The following GGCX variants were observed in gnomAD, a reference collection of about 807,000 sequenced individuals.
The protein encoded by GGCX is vitamin K-dependent gamma-carboxylase.
Under a neutral mutation model 88.5 loss-of-function variants are expected in GGCX, and 63 were observed. That is an observed-to-expected ratio of 0.71 (90% CI 0.58 to 0.88). The LOEUF (loss-of-function observed/expected upper bound fraction) is 0.88, where lower values mean the gene tolerates loss of function less well. GGCX is among the 40% of genes least tolerant of loss of function. The pLI is 0.00. For missense variants in GGCX, 805 were observed against 932.9 expected, an observed-to-expected ratio of 0.86 and a Z score of 1.79; for synonymous variants, 368 against 365.8, an observed-to-expected ratio of 1.01 and a Z score of -0.07.
Position 85,552,963 on chromosome 2 carries a change from G to A in GGCX, c.1263C>T (p.Gly421=), listed in dbSNP as rs373716493. ...VKITYRDGRT[G]ELGYLNPGVF... Reference sequence around the variant, plus strand: ...CCCCAGGGTTAAGGTAGCCCAGTTCGCCAGTGCGGCCATCACGGTAGGTGA... The same window carrying A: ...CCCCAGGGTTAAGGTAGCCCAGTTCACCAGTGCGGCCATCACGGTAGGTGA... Residue 421 remains glycine, a synonymous_variant, in exon 9 of 15, where the codon GGC becomes GGT. Coordinates refer to ENST00000233838, the MANE Select transcript of GGCX (RefSeq NM_000821.7). 8 of 1,614,156 alleles carry A rather than the reference G, an allele frequency of 5.0e-6. No individual in the cohort carries two copies. The highest frequency in any genetic ancestry group is 2.7e-5 in the African/African-American group (2 of 75,060).
chr2:85,554,418 T>C, intron 6 of GGCX, 112 bp from the exon 7 acceptor site: 1 of 890,182 alleles, frequency 1.1e-6, no homozygotes, highest in Non-Finnish European at 1.9e-6. Context: ...ATGCCTAAGG[T>C]ACATAATCCA....
Position 85,551,549 on chromosome 2 carries a change from C to G in GGCX, c.1671G>C (p.Gln557His), listed in dbSNP as rs1354036963. Reference sequence around the variant, plus strand: ...CCACAAGCTCCACAGTCACTTCCCCCTGCAGCAGCTGGATGCTAGTGTTGC... The same window carrying G: ...CCACAAGCTCCACAGTCACTTCCCCGTGCAGCAGCTGGATGCTAGTGTTGC... ...DLGNTSIQLL[Q>H]GEVTVELVAE... The change falls in exon 12 of 15, where the codon CAG becomes CAC. Residue 557 changes from glutamine to histidine, a missense_variant. Coordinates refer to ENST00000233838, the MANE Select transcript of GGCX (RefSeq NM_000821.7). 3.1e-6 allele frequency: 5 copies of G among 1,613,946 alleles called. No individual in the cohort carries two copies. Among genetic ancestry groups the G allele is most frequent in the Non-Finnish European group, 4.2e-6 (5 of 1,179,862 alleles).
rs1692408300 is a variant in GGCX, at chr2:85,560,799, C to T, written c.214+16G>A. On this transcript the variant is annotated intron_variant, in intron 2 of 14. Transcript: ENST00000233838. ...CACTCTCAACCAAATTGCTCCCACCCATAAACTGGACTCACCAAAAAGAAA... is the reference window on the plus strand; with the variant it reads ...CACTCTCAACCAAATTGCTCCCACCTATAAACTGGACTCACCAAAAAGAAA... The T allele has an allele frequency of 6.2e-7, 1 of 1,607,366 alleles. No individual in the cohort carries two copies.
Position 85,550,766 on chromosome 2 carries a change from A to G in GGCX, c.1889-16T>C, listed in dbSNP as rs1444669394. On this transcript the variant is annotated splice_polypyrimidine_tract_variant and intron_variant, in intron 13 of 14. Transcript: ENST00000233838. ...GGCCCTGTTTCTGCCCGGAAGACAGAAAAAAGAGGAATCACTGAGATGGAT... is the reference window on the plus strand; with the variant it reads ...GGCCCTGTTTCTGCCCGGAAGACAGGAAAAAGAGGAATCACTGAGATGGAT... 2 of 1,603,118 alleles carry G rather than the reference A, an allele frequency of 1.2e-6. No individual in the cohort carries two copies. Among genetic ancestry groups the G allele is most frequent in the East Asian group, 2.2e-5 (1 of 44,880 alleles).
chr2:85,550,497 G>A (rs1691887945), intron 14 of GGCX, 58 bp downstream of exon 14: 1 of 1,290,878 alleles, frequency 7.7e-7, no homozygotes, highest in Non-Finnish European at 1.1e-6. Flanking sequence ...CTCCCCAGGG[G>A]AAAGTTACCA....
At chr2:85,561,215 GTCA>G (rs1247467288) in intron 1 of GGCX, among the ~76,000 whole-genome samples, 168 bp downstream of exon 1, 1 of 152,138 alleles carries the variant, frequency 6.6e-6, no homozygotes, top group Non-Finnish European at 1.5e-5. Context: ...GTTCCCGAAT[GTCA>G]TCATCATTCA....
Position 85,559,040 on chromosome 2 carries a change from C to T in GGCX, c.250G>A (p.Gly84Arg). 1 of 1,614,108 alleles carries T rather than the reference C, an allele frequency of 6.2e-7. No individual in the cohort carries two copies. Residue 84 changes from glycine to arginine, a missense_variant, in exon 3 of 15, where the codon GGG becomes AGG. Physicochemically the swap from Gly to Arg is moderately radical, Grantham distance 125 (BLOSUM62 -2). Transcript: ENST00000233838. ...TATTTCCGGTCCAGAGAGCTGAGCC[C>T]CCGCTCCTGGGGAATGTCTAGCACC... ...LMVLDIPQERGLSSLDRKYLD... is the reference protein window; with the variant it reads ...LMVLDIPQERRLSSLDRKYLD...
Position 85,554,288 on chromosome 2 carries a change from C to T in GGCX, c.744G>A (p.Glu248=), listed in dbSNP as rs746559265. Reference sequence around the variant, plus strand: ...AGTGCACGACCAGCAGGCTAGTCAGCTCCTCAGACAACAGCAGTCTGCAAA... The same window carrying T: ...AGTGCACGACCAGCAGGCTAGTCAGTTCCTCAGACAACAGCAGTCTGCAAA... The part of the protein sequence containing the change: ...FSPFKLLLSE[E]LTSLLVVHWG... Residue 248 remains glutamate (E), a synonymous_variant, in exon 7 of 15, where the codon GAG becomes GAA. Coordinates refer to ENST00000233838, the MANE Select transcript of GGCX (RefSeq NM_000821.7). 1 of 1,614,070 alleles carries T rather than the reference C, an allele frequency of 6.2e-7. No homozygotes were observed. The highest frequency in any genetic ancestry group is 1.1e-5 in the South Asian group (1 of 91,080).
In GGCX at chr2:85,561,390, G is replaced by A. The variant is rs1005415647; in HGVS notation, c.39C>T (p.Ser13=). 1.3e-6 allele frequency: 2 copies of A among 1,567,022 alleles called. No individual in the cohort carries two copies. Among genetic ancestry groups the A allele is most frequent in the South Asian group, 1.2e-5 (1 of 85,374 alleles). Residue 13 remains serine (S), a synonymous_variant, in exon 1 of 15, where the codon AGC becomes AGT. Transcript: ENST00000233838. The part of the protein sequence containing the change: ...VSAGSARTSP[S]SDKVQKDKAE... Reference sequence around the variant, plus strand: ...AGGGCGGGGTCCTAAGCCTACCTGAGCTGGGCGAGGTCCGCGCGGACCCGG... The same window carrying A: ...AGGGCGGGGTCCTAAGCCTACCTGAACTGGGCGAGGTCCGCGCGGACCCGG...
At chr2:85,555,981 C>G (rs933219821) in intron 5 of GGCX, among the ~76,000 whole-genome samples, 1 of 152,168 alleles carries the variant, frequency 6.6e-6, no homozygotes, top group Non-Finnish European at 1.5e-5. Flanking sequence ...GGACAAAGCT[C>G]TAGTCTTTCC....
Position 85,548,848 on chromosome 2 carries a change from C to T in GGCX, c.*1086G>A, listed in dbSNP as rs1331564593. 6.6e-6 allele frequency: 1 copy of T among 152,146 alleles called. No homozygotes were observed. Among genetic ancestry groups the T allele is most frequent in the Non-Finnish European group, 1.5e-5 (1 of 68,030 alleles). The allele number at this position is 152,146 out of a possible 1,614,324, so 9.4% of individuals were successfully genotyped here. On this transcript the variant is annotated 3_prime_UTR_variant, in exon 15 of 15. Coordinates refer to ENST00000233838, the MANE Select transcript of GGCX (RefSeq NM_000821.7). ...TAAATTTAGTTAATTCTTACTTTAC[C>T]TCCCCTTCTGCTCACCAAAGGCTAG...
Position 85,549,210 on chromosome 2 carries a change from C to G in GGCX, c.*724G>C, listed in dbSNP as rs1419375548. 6.6e-6 allele frequency: 1 copy of G among 152,294 alleles called. No individual in the cohort carries two copies. The highest frequency in any genetic ancestry group is 6.5e-5 in the Admixed American group (1 of 15,288). 9.4% of individuals were successfully genotyped at this position (152,294 alleles called of 1,614,324 possible). A position where few individuals can be genotyped will look rare whatever the true frequency, so the allele number is the denominator to read the frequency against. ...GTTAAGTTCAAACCATCAGTCCATT[C>G]GTCACTAGCTGTATGTCTTCGGGCA... On this transcript the variant is annotated 3_prime_UTR_variant, in exon 15 of 15. Coordinates refer to ENST00000233838, the MANE Select transcript of GGCX (RefSeq NM_000821.7).
intron 12 of GGCX, among the ~76,000 whole-genome samples, 197 bp from the exon 13 acceptor site, chr2:85,551,269 T>C (rs561189235): frequency 6.6e-6 from 1 of 152,350 alleles, no homozygotes; most frequent in Admixed American, 6.5e-5. Flanking sequence ...ATTACTGCTA[T>C]GGTAAAATAT....
chr2:85,553,661 G>A lies in GGCX; in HGVS notation c.890-164C>T, dbSNP rs562142473. 47 of 672,860 alleles carry A rather than the reference G, an allele frequency of 7.0e-5. 1 individual carries two copies. Among genetic ancestry groups the A allele is most frequent in the East Asian group, 1.7e-4 (6 of 35,894 alleles). 41.7% of individuals were successfully genotyped at this position (672,860 alleles called of 1,614,324 possible). The stretch of plus-strand genomic sequence containing the variant: ...GTCGCCCAGGCTGGAGTGCAGTGGC[G>A]TGATCTCAGCTCACTGCAACCTCTG... On this transcript the variant is annotated intron_variant, in intron 7 of 14. Transcript: ENST00000233838.
chr2:85,545,603 GTCC>G lies in GGCX; in HGVS notation c.*4328_*4330del, dbSNP rs554891563. 184 of 152,244 alleles carry G rather than the reference GTCC, an allele frequency of 1.2e-3. 2 individuals carry two copies. Among genetic ancestry groups the G allele is most frequent in the African/African-American group, 4.1e-3 (171 of 41,526 alleles). The allele number at this position is 152,244 out of a possible 1,614,324, so 9.4% of individuals were successfully genotyped here. On this transcript the variant is annotated 3_prime_UTR_variant, in exon 15 of 15. Coordinates refer to ENST00000233838, the MANE Select transcript of GGCX (RefSeq NM_000821.7). ...TTTTTAAAAGCCTAAGCAAGATTTA[GTCC>G]TCCTAGTCCACTTAAGCCAAAATTC...
At position 85,549,489 on chromosome 2, in the gene GGCX, G is replaced by A. The variant is rs1691825898; in HGVS notation, c.*445C>T. 5.0e-6 allele frequency: 1 copy of A among 199,338 alleles called. No homozygotes were observed. The highest frequency in any genetic ancestry group is 1.0e-5 in the Non-Finnish European group (1 of 96,456). The allele number at this position is 199,338 out of a possible 1,614,324, so 12.3% of individuals were successfully genotyped here. ...CGATTCTCATGCCTCAGCCTCCTGG[G>A]TAGTTGGATTACAGGCACCCACCAC... On this transcript the variant is annotated 3_prime_UTR_variant, in exon 15 of 15. Coordinates refer to ENST00000233838, the MANE Select transcript of GGCX (RefSeq NM_000821.7).
chr2:85,561,197 A>AC (rs1692438197), intron 1 of GGCX, among the ~76,000 whole-genome samples, 189 bp downstream of exon 1: 1 of 151,912 alleles, frequency 6.6e-6, no homozygotes, highest in Non-Finnish European at 1.5e-5. Flanking sequence ...CAGTCCCCTA[A>AC]CCGCAGTGTT....
chr2:85,550,602 C>A lies in GGCX; in HGVS notation c.2037G>T (p.Glu679Asp). 1 of 1,614,160 alleles carries A rather than the reference C, an allele frequency of 6.2e-7. No homozygotes were observed. The highest frequency in any genetic ancestry group is 8.5e-7 in the Non-Finnish European group (1 of 1,179,986). ...TTCGCAACAAGAAGCGGAAGAATCG[C>A]TCATGGAAAGGAGTATTTCGCCGGC... is the stretch of plus-strand genomic sequence containing the variant. ...IERRRNTPFH[E>D]RFFRFLLRKL... The change falls in exon 14 of 15, where the codon GAG becomes GAT. Residue 679 changes from glutamate to aspartate, a missense_variant. By Grantham distance (45) the Glu-to-Asp change is conservative. Transcript: ENST00000233838.
rs564839702 is a variant in GGCX, at chr2:85,551,182, C to T, written c.1741-110G>A. On this transcript the variant is annotated intron_variant, in intron 12 of 14. Coordinates refer to ENST00000233838, the MANE Select transcript of GGCX (RefSeq NM_000821.7). ...TTTCTACTCAATTGTGTTTTGGAAT[C>T]GAAAGTAACGGACCTCTAGAATCCT... 156 of 1,109,052 alleles carry T rather than the reference C, an allele frequency of 1.4e-4. 3 individuals are homozygous for T. The South Asian group carries it at 1.9e-3, about 13-fold the overall frequency. The allele number at this position is 1,109,052 out of a possible 1,614,324, so 68.7% of individuals were successfully genotyped here. A position where few individuals can be genotyped will look rare whatever the true frequency, so the allele number is the denominator to read the frequency against.
Sources: gnomAD v4.1 joint callset for allele counts (sites outside exome capture counted in the v4.1 genomes callset) on GRCh38, gnomAD v4.1.1 for gene constraint, MANE v1.5 for transcripts, NCBI Gene and HGNC (gene_info 2026-07-23, HGNC 2026-07-21) for gene names.